Variants in PTPRQ observed in about 807,000 individuals in gnomAD.
PTPRQ encodes the protein phosphatidylinositol phosphatase PTPRQ.
In PTPRQ, 199 loss-of-function variants were observed where a neutral mutation model predicts 246.0. That is an observed-to-expected ratio of 0.81 (90% CI 0.72 to 0.91). The LOEUF (loss-of-function observed/expected upper bound fraction) is 0.91, where lower values mean the gene tolerates loss of function less well. PTPRQ is among the 40% of genes least tolerant of loss of function. PTPRQ has a pLI of 0.00. For synonymous variants in PTPRQ, 869 were observed against 853.2 expected (o/e 1.02, Z -0.32); for missense variants, 2,624 against 2,528.4 (o/e 1.04, Z -0.81).
chr12:80,454,203 G>C (rs978084085), intron 3 of PTPRQ, among the ~76,000 whole-genome samples: 1 of 147,942 alleles, frequency 6.8e-6, no homozygotes, highest in Non-Finnish European at 1.5e-5. Context: ...CTGGTGTGCC[G>C]TTTTTTAAGC....
chr12:80,570,843 T>A (rs955354896), intron 25 of PTPRQ, among the ~76,000 whole-genome samples: 8 of 152,202 alleles, frequency 5.3e-5, no homozygotes, highest in Admixed American at 5.2e-4. Context: ...AAATAGGGAA[T>A]CATTTCCCCA....
At chr12:80,452,399 C>T (rs188596704) in intron 3 of PTPRQ, among the ~76,000 whole-genome samples, 2 of 152,250 alleles carry the variant, frequency 1.3e-5, no homozygotes, top group Admixed American at 6.5e-5. Flanking sequence ...GAATTTGATC[C>T]TGTCATTATG....
At chr12:80,482,903 T>G (rs1412275316) in intron 8 of PTPRQ, among the ~76,000 whole-genome samples, 3 of 115,660 alleles carry the variant, frequency 2.6e-5, no homozygotes, top group African/African-American at 1.3e-4. Context: ...TGTGGAGAAA[T>G]AGGAACACTT....
chr12:80,549,820 C>T, intron 25 of PTPRQ, 86 bp downstream of exon 25: 1 of 1,430,716 alleles, frequency 7.0e-7, no homozygotes, highest in Non-Finnish European at 9.2e-7. Context: ...TTATAGCATA[C>T]TTATCTAAAC....
At position 80,622,105 on chromosome 12, in the gene PTPRQ, CTG is replaced by C. The variant is rs1214660157; in HGVS notation, c.5658_5659del (p.Asp1887LeufsTer3). 3 of 1,447,004 alleles carry C rather than the reference CTG, an allele frequency of 2.1e-6. No homozygotes were observed. The highest frequency in any genetic ancestry group is 2.7e-6 in the Non-Finnish European group (3 of 1,096,120). 89.6% of individuals were successfully genotyped at this position (1,447,004 alleles called of 1,614,324 possible). On this transcript the variant is annotated frameshift_variant, in exon 33 of 45. Coordinates refer to ENST00000644991, the MANE Select transcript of PTPRQ (RefSeq NM_001145026.2). LOFTEE classifies it high-confidence loss of function. ...AATATTATGGGACAATTTACTGACTCTGATTATTCTGACCCTGTTAAGACTTT... is the reference window on the plus strand; with the variant it reads ...AATATTATGGGACAATTTACTGACTCATTATTCTGACCCTGTTAAGACTTT...
rs1217515834 is a variant in PTPRQ, at chr12:80,472,239, A to G, written c.1174A>G (p.Thr392Ala). 2.6e-6 allele frequency: 4 copies of G among 1,551,336 alleles called. No individual in the cohort carries two copies. In the East Asian group the frequency reaches 9.8e-5, roughly 38 times the overall value. Residue 392 changes from threonine to alanine, a missense_variant, in exon 8 of 45, where the codon ACT becomes GCT. Transcript: ENST00000644991. Reference protein sequence around the residue: ...TGPKSNISVFTPPDVPGAVFD... With the variant: ...TGPKSNISVFAPPDVPGAVFD... ...GCCCAAGTCAAATATTTCAGTATTC[A>G]CTCCACCAGATGGTAAGAACATAGG...
chr12:80,553,809 A>G (rs1162668395), intron 25 of PTPRQ, among the ~76,000 whole-genome samples: 1 of 152,214 alleles, frequency 6.6e-6, no homozygotes, highest in African/African-American at 2.4e-5. Flanking sequence ...ATAAACCAAT[A>G]CAAATAATAC....
chr12:80,546,629 C>T lies in PTPRQ; in HGVS notation c.3947C>T (p.Ser1316Phe). Residue 1316 changes from serine (S) to phenylalanine (F), a missense_variant, in exon 24 of 45, where the codon TCT (serine) becomes TTT (phenylalanine). By Grantham distance (155) the Ser-to-Phe change is radical. Transcript: ENST00000644991. Reference sequence around the variant, plus strand: ...GTCAGCACCTACTCTATCCGTGTATCTGCGTTCACCAAAGTTGGAAATGGC... The same window carrying T: ...GTCAGCACCTACTCTATCCGTGTATTTGCGTTCACCAAAGTTGGAAATGGC... The part of the protein sequence containing the change: ...EPVSTYSIRV[S>F]AFTKVGNGNQ... The T allele has an allele frequency of 6.4e-7, 1 of 1,551,438 alleles. No homozygotes were observed. Among genetic ancestry groups the T allele is most frequent in the Non-Finnish European group, 8.7e-7 (1 of 1,146,860 alleles).
At chr12:80,527,987 G>C (rs986730976) in intron 17 of PTPRQ, among the ~76,000 whole-genome samples, 2 of 152,110 alleles carry the variant, frequency 1.3e-5, no homozygotes, top group Non-Finnish European at 2.9e-5. Flanking sequence ...AGGAGACTGA[G>C]ATGGGAGGAG....
chr12:80,542,159 TC>T lies in PTPRQ; in HGVS notation c.3521del (p.Pro1174GlnfsTer2). 6.4e-7 allele frequency: 1 copy of T among 1,550,992 alleles called. No homozygotes were observed. The highest frequency in any genetic ancestry group is 8.7e-7 in the Non-Finnish European group (1 of 1,146,654). Reference sequence around the variant, plus strand: ...CTACCTCAGTTCTCTTATCATGGGATCCCCCAGTAAAGCCAAATGGTGCAAT... The same window carrying T: ...CTACCTCAGTTCTCTTATCATGGGATCCCCAGTAAAGCCAAATGGTGCAAT... ...SSTSVLLSWD[P>X]PVKPNGAIIS... On this transcript the variant is annotated frameshift_variant, in exon 22 of 45. Coordinates refer to ENST00000644991, the MANE Select transcript of PTPRQ (RefSeq NM_001145026.2). LOFTEE classifies it high-confidence loss of function.
At chr12:80,457,067 A>T (rs957228907) in intron 3 of PTPRQ, among the ~76,000 whole-genome samples, 3 of 152,032 alleles carry the variant, frequency 2.0e-5, no homozygotes, top group African/African-American at 4.8e-5. Context: ...TTCAAATCAA[A>T]TTTTTTTATC....
chr12:80,493,267 A>G lies in PTPRQ; in HGVS notation c.1360-8A>G. 6.9e-7 allele frequency: 1 copy of G among 1,448,884 alleles called. No individual in the cohort carries two copies. The highest frequency in any genetic ancestry group is 1.4e-5 in the African/African-American group (1 of 69,194). The allele number at this position is 1,448,884 out of a possible 1,614,324, so 89.8% of individuals were successfully genotyped here. A position where few individuals can be genotyped will look rare whatever the true frequency, so the allele number is the denominator to read the frequency against. ...ACAGTCTTTTAAAATATCTACTTTT[A>G]ATTACAGTATATAAATGACCCCATG... On this transcript the variant is annotated splice_polypyrimidine_tract_variant and splice_region_variant and intron_variant, in intron 9 of 44. Transcript: ENST00000644991.
At chr12:80,465,753 A>G (rs1359139200) in intron 6 of PTPRQ, among the ~76,000 whole-genome samples, 1 of 152,106 alleles carries the variant, frequency 6.6e-6, no homozygotes, top group African/African-American at 2.4e-5. Flanking sequence ...AAAGACAAAA[A>G]CCACATGATT....
At chr12:80,521,109 C>T (rs546068641) in intron 17 of PTPRQ, among the ~76,000 whole-genome samples, 34 of 152,036 alleles carry the variant, frequency 2.2e-4, no homozygotes, top group African/African-American at 7.7e-4. Context: ...CTCTGATGGC[C>T]AGTGATGATG....
At chr12:80,474,715 G>A (rs1893758114) in intron 8 of PTPRQ, among the ~76,000 whole-genome samples, 2 of 152,082 alleles carry the variant, frequency 1.3e-5, no homozygotes, top group African/African-American at 4.8e-5. Context: ...ATATAACATA[G>A]GCAACAGCAT....
rs1268380107 is a variant in PTPRQ, at chr12:80,472,164, T to C, written c.1099T>C (p.Phe367Leu). The C allele has an allele frequency of 1.3e-6, 2 of 1,551,608 alleles. No individual in the cohort carries two copies. The highest frequency in any genetic ancestry group is 3.9e-5 in the Admixed American group (2 of 50,994). The change falls in exon 8 of 45, where the codon TTT becomes CTT. Residue 367 changes from phenylalanine to leucine, a missense_variant. Transcript: ENST00000644991. ...LKFAFTNLTP[F>L]TMYDVYIAAE... ...GTTTGCATTCACTAACCTAACACCA[T>C]TTACAATGTATGATGTCTATATTGC...
At chr12:80,576,951 C>T (rs137969769) in intron 25 of PTPRQ, among the ~76,000 whole-genome samples, 49 of 152,288 alleles carry the variant, frequency 3.2e-4, no homozygotes, top group African/African-American at 1.1e-3. Flanking sequence ...CTAATTTCTT[C>T]GTCACTCTCA....
intron 39 of PTPRQ, among the ~76,000 whole-genome samples, chr12:80,664,405 A>G (rs1054775973): frequency 1.3e-5 from 2 of 152,014 alleles, no homozygotes; most frequent in Admixed American, 6.6e-5. Context: ...GTGGCTGCAT[A>G]TGAACTGTCC....
At chr12:80,630,446 C>T (rs973267443) in intron 33 of PTPRQ, among the ~76,000 whole-genome samples, 2 of 152,088 alleles carry the variant, frequency 1.3e-5, no homozygotes. Flanking sequence ...ATAGGTCTTG[C>T]TCACTAGATC....
Sources: allele counts gnomAD v4.1 joint callset (sites outside exome capture counted in the v4.1 genomes callset), GRCh38; gene constraint gnomAD v4.1.1; transcripts MANE v1.5; gene names NCBI Gene and HGNC (gene_info 2026-07-23, HGNC 2026-07-21).